PTPRE: variants seen among roughly 807,000 people sequenced by gnomAD.
PTPRE encodes protein tyrosine phosphatase receptor type E.
A neutral mutation model predicts 102.0 loss-of-function variants in PTPRE; 51 were observed. That is an observed-to-expected ratio of 0.50 (90% CI 0.40 to 0.63). The LOEUF is 0.63. Ranked by LOEUF, PTPRE falls within the 30% of genes least tolerant of loss-of-function variation. The probability of loss-of-function intolerance (pLI) is 0.00; values close to 1 mark genes in which losing one functional copy is unlikely to be tolerated. For synonymous variants in PTPRE, 345 were observed against 348.2 expected, an observed-to-expected ratio of 0.99 and a Z score of 0.10; for missense variants, 752 against 915.1, an observed-to-expected ratio of 0.82 and a Z score of 2.30.
rs59437311 is a variant in PTPRE at position 128,037,240 on chromosome 10, A to G, written c.-7-3635A>G. ...TTCCTCCTCACTCATCTTCTCTCACATGCCAGAGAACTGTGAACTGCCTGG... is the reference window on the plus strand; with the variant it reads ...TTCCTCCTCACTCATCTTCTCTCACGTGCCAGAGAACTGTGAACTGCCTGG... On this transcript the variant is annotated intron_variant, in intron 2 of 20. Transcript: ENST00000254667. Among the ~76,000 whole-genome samples, 1,934 of 152,262 alleles carry G rather than the reference A, an allele frequency of 0.013. 175 individuals carry two copies. In the East Asian group the frequency reaches 0.24, roughly 19 times the overall value.
rs1188753524 is a variant in PTPRE at position 128,028,976 on chromosome 10, C to G, written c.-7-11899C>G. ...CCAGAGGCCTCCCGCTGGGATTTGT[C>G]TCCACTTTGCAGTTGCCTTTTGCCC... On this transcript the variant is annotated intron_variant, in intron 2 of 20. Transcript: ENST00000254667. The surrounding 1 kb of genome is among the most constrained non-coding windows in gnomAD (Gnocchi z 4.5). Among the ~76,000 whole-genome samples, 1 of 152,234 alleles carries G rather than the reference C, an allele frequency of 6.6e-6. No individual in the cohort carries two copies. Among genetic ancestry groups the G allele is most frequent in the African/African-American group, 2.4e-5 (1 of 41,460 alleles).
chr10:128,053,115 G>A (rs1037567204), intron 6 of PTPRE, among the ~76,000 whole-genome samples: 2 of 152,122 alleles, frequency 1.3e-5, no homozygotes, highest in African/African-American at 4.8e-5. Context: ...GCTAGGCGTG[G>A]TGGTGTGCAC....
At chr10:128,016,307 C>A (rs563862604) in intron 2 of PTPRE, among the ~76,000 whole-genome samples, 2 of 152,128 alleles carry the variant, frequency 1.3e-5, no homozygotes, top group Admixed American at 6.5e-5. Flanking sequence ...ATTTAGTCAG[C>A]GGGACCCAAT....
chr10:128,052,425 G>C (rs546054963), intron 6 of PTPRE, among the ~76,000 whole-genome samples: 2 of 152,112 alleles, frequency 1.3e-5, no homozygotes, highest in Non-Finnish European at 2.9e-5. Context: ...TGTTTGTCCC[G>C]GCTCAGAGAG....
rs1356630446 is a variant in PTPRE, at chr10:128,079,511, T to A, written c.1893-49T>A. The A allele has an allele frequency of 3.1e-6, 5 of 1,592,152 alleles. No individual in the cohort carries two copies. In the African/African-American group the frequency reaches 5.4e-5, roughly 17 times the overall value. On this transcript the variant is annotated intron_variant, in intron 19 of 20. Coordinates refer to ENST00000254667, the MANE Select transcript of PTPRE (RefSeq NM_006504.6). Reference sequence around the variant, plus strand: ...TTGGCTGTCAGCTCTCCATTTCTCATCCCCAAGTGCAAGTCGGATGATCTG... The same window carrying A: ...TTGGCTGTCAGCTCTCCATTTCTCAACCCCAAGTGCAAGTCGGATGATCTG...
intron 1 of PTPRE, among the ~76,000 whole-genome samples, chr10:127,943,144 T>C (rs1848370608): frequency 6.6e-6 from 1 of 152,240 alleles, no homozygotes; most frequent in African/African-American, 2.4e-5. Flanking sequence ...CCAGAGGTCA[T>C]GTAAGGAAAT....
At chr10:128,073,081 A>C (rs924398819) in intron 16 of PTPRE, among the ~76,000 whole-genome samples, 1 of 152,226 alleles carries the variant, frequency 6.6e-6, no homozygotes, top group Non-Finnish European at 1.5e-5. Flanking sequence ...GGCCACAGGC[A>C]ACTACCAGTT....
At chr10:127,999,746 A>G in intron 2 of PTPRE, 1 of 985,380 alleles carries the variant, frequency 1.0e-6, no homozygotes, top group Non-Finnish European at 1.2e-6. Context: ...TCCCTGCTGG[A>G]TCTTTGCTCT....
intron 1 of PTPRE, among the ~76,000 whole-genome samples, chr10:127,962,002 ACTC>A (rs1849856094): frequency 1.3e-5 from 2 of 151,964 alleles, no homozygotes; most frequent in South Asian, 4.1e-4. Flanking sequence ...TAGGAGAGAG[ACTC>A]CATTTTTCTC....
intron 2 of PTPRE, among the ~76,000 whole-genome samples, chr10:128,036,829 C>A (rs1046395352): frequency 1.3e-5 from 2 of 152,210 alleles, no homozygotes; most frequent in Non-Finnish European, 2.9e-5. Flanking sequence ...ACCGAGGAAT[C>A]TTCATAAAAG....
intron 2 of PTPRE, among the ~76,000 whole-genome samples, chr10:128,000,852 G>A (rs1853807798): frequency 1.3e-5 from 2 of 152,152 alleles, no homozygotes; most frequent in Admixed American, 6.5e-5. Context: ...TTGGGCAACT[G>A]CCCAGAAGGG....
intron 15 of PTPRE, 34 bp from the exon 16 acceptor site, chr10:128,072,104 T>C: frequency 6.3e-7 from 1 of 1,596,042 alleles, no homozygotes; most frequent in Non-Finnish European, 8.6e-7. Context: ...TGGGACCCTT[T>C]TTGTAATAAC....
At chr10:127,961,281 G>A (rs1849789311) in intron 1 of PTPRE, among the ~76,000 whole-genome samples, 1 of 152,154 alleles carries the variant, frequency 6.6e-6, no homozygotes, top group Admixed American at 6.5e-5. Context: ...TATGGTTGTT[G>A]GTGACAGCGT....
chr10:127,940,345 A>G (rs1203432307), intron 1 of PTPRE, among the ~76,000 whole-genome samples: 1 of 152,174 alleles, frequency 6.6e-6, no homozygotes, highest in Admixed American at 6.5e-5. Context: ...GTTCTACCAG[A>G]GCCCAGCCAA....
chr10:127,980,985 A>G (rs1851562570), intron 1 of PTPRE, among the ~76,000 whole-genome samples: 1 of 152,248 alleles, frequency 6.6e-6, no homozygotes, highest in Admixed American at 6.5e-5. Flanking sequence ...ATTCACAGGT[A>G]GATAGCAGCC....
Position 128,049,799 on chromosome 10 carries a change from C to T in PTPRE, c.420+133C>T, listed in dbSNP as rs568537148. 1.2e-4 allele frequency: 151 copies of T among 1,290,598 alleles called. No homozygotes were observed. The Middle Eastern group carries it at 1.7e-3, about 15-fold the overall frequency. 79.9% of individuals were successfully genotyped at this position (1,290,598 alleles called of 1,614,324 possible). ...GTTATGACACTGTCCCATGAATGGG[C>T]GTGTGAGGAAACCTGGTGTGTGGTG... is the stretch of plus-strand genomic sequence containing the variant. On this transcript the variant is annotated intron_variant, in intron 6 of 20. Transcript: ENST00000254667.
chr10:128,019,595 C>A (rs879673043), intron 2 of PTPRE, among the ~76,000 whole-genome samples: 3 of 152,016 alleles, frequency 2.0e-5, no homozygotes, highest in Non-Finnish European at 4.4e-5. Context: ...CACGGGTTTG[C>A]CATTCCGGGG....
At chr10:128,077,313 T>G (rs1590246531) in intron 18 of PTPRE, among the ~76,000 whole-genome samples, 1 of 152,176 alleles carries the variant, frequency 6.6e-6, no homozygotes, top group Non-Finnish European at 1.5e-5. Context: ...AGAAAGTGAT[T>G]CCCTTCTCTC....
chr10:127,952,448 C>A (rs1825082406), intron 1 of PTPRE, among the ~76,000 whole-genome samples: 1 of 151,712 alleles, frequency 6.6e-6, no homozygotes, highest in Non-Finnish European at 1.5e-5. Flanking sequence ...GCCTGCCCAG[C>A]TACTTAGGTC....
Sources: allele counts gnomAD v4.1 joint callset (sites outside exome capture counted in the v4.1 genomes callset), GRCh38; gene constraint gnomAD v4.1.1; non-coding constraint Gnocchi (gnomAD v3.1); transcripts MANE v1.5; gene names NCBI Gene and HGNC (gene_info 2026-07-23, HGNC 2026-07-21).